Variants in GTF2A1L observed in about 807,000 individuals in gnomAD.
GTF2A1L encodes the protein general transcription factor IIA subunit 1 like, also known as TFIIA-alpha and beta-like factor.
A neutral mutation model predicts 49.7 loss-of-function variants in GTF2A1L; 48 were observed. That is an observed-to-expected ratio of 0.97 (90% CI 0.77 to 1.23). The LOEUF (loss-of-function observed/expected upper bound fraction) is 1.23. Ranked by LOEUF, GTF2A1L falls within the 50% of genes most tolerant of loss-of-function variation. The pLI is 0.00. For synonymous variants in GTF2A1L, 246 were observed against 193.5 expected (o/e 1.27, Z -2.25); for missense variants, 736 against 564.8 (o/e 1.30, Z -3.07).
intron 3 of GTF2A1L, among the ~76,000 whole-genome samples, chr2:48,640,665 C>T (rs568225857): frequency 3.3e-5 from 5 of 152,204 alleles, no homozygotes; most frequent in African/African-American, 1.2e-4. Flanking sequence ...TGGAACAAAC[C>T]TTCACATGTA....
At position 48,617,861 on chromosome 2, in the gene GTF2A1L, C is replaced by A. The variant is rs199837598; in HGVS notation, c.-14C>A. ...CCGCGCAGGCGCAAAGGGCCAGGTG[C>A]TGGAGGTGCTGTCATGGCCTGCCTC... On this transcript the variant is annotated 5_prime_UTR_variant, in exon 1 of 9. The change creates a new upstream start codon in the 5' untranslated region. Coordinates refer to ENST00000403751, the MANE Select transcript of GTF2A1L (RefSeq NM_006872.5). The A allele has an allele frequency of 4.5e-6, 7 of 1,551,682 alleles. No homozygotes were observed. Among genetic ancestry groups the A allele is most frequent in the Non-Finnish European group, 6.1e-6 (7 of 1,147,034 alleles).
chr2:48,643,317 C>G (rs1196886927), intron 4 of GTF2A1L, among the ~76,000 whole-genome samples: 2 of 152,164 alleles, frequency 1.3e-5, no homozygotes, highest in African/African-American at 2.4e-5. Flanking sequence ...CAGCTTTTCA[C>G]TTTTATCTTT....
At chr2:48,631,350 T>C (rs1483324338) in intron 3 of GTF2A1L, among the ~76,000 whole-genome samples, 1 of 152,154 alleles carries the variant, frequency 6.6e-6, no homozygotes, top group Non-Finnish European at 1.5e-5. Flanking sequence ...GATTCAATCT[T>C]GGGAGATTTT....
chr2:48,633,759 A>G (rs62137487), intron 3 of GTF2A1L, among the ~76,000 whole-genome samples: 33,697 of 152,138 alleles, frequency 0.22, 3,843 homozygotes, highest in South Asian at 0.26. Flanking sequence ...CCATTATCGT[A>G]TGGCTGTATA....
rs190911328 is a variant in GTF2A1L, at chr2:48,617,980, C to T, written c.21+85C>T. On this transcript the variant is annotated intron_variant, in intron 1 of 8. Transcript: ENST00000403751. ...GCCGAACCCTGCACCTTTTGTTTCC[C>T]CCTGACACTTTACAGATTGTCATAA... 2,288 of 1,335,506 alleles carry T rather than the reference C, an allele frequency of 1.7e-3. 11 individuals are homozygous for T. Among genetic ancestry groups the T allele is most frequent in the African/African-American group, 0.015 (1,020 of 68,350 alleles). The allele number at this position is 1,335,506 out of a possible 1,614,324, so 82.7% of individuals were successfully genotyped here.
In GTF2A1L at chr2:48,642,465, G is replaced by A; in HGVS notation, c.303+8G>A. 6.4e-7 allele frequency: 1 copy of A among 1,573,294 alleles called. No individual in the cohort carries two copies. The highest frequency in any genetic ancestry group is 8.7e-7 in the Non-Finnish European group (1 of 1,152,468). The stretch of plus-strand genomic sequence containing the variant: ...TTTACCACAGCAGAACTGGTATGTA[G>A]CTTACTTAAAATATATTTTAAAAGA... On this transcript the variant is annotated splice_region_variant and intron_variant, in intron 4 of 8. Coordinates refer to ENST00000403751, the MANE Select transcript of GTF2A1L (RefSeq NM_006872.5).
rs1679085692 is a variant in GTF2A1L at position 48,670,108 on chromosome 2, TGG to T, written c.1239+129_1239+130del. ...TTACTCTTTTGAAATAAGACTTATT[TGG>T]GGCCGGGCACGGTGGCTCACACATG... On this transcript the variant is annotated intron_variant, in intron 7 of 8. Coordinates refer to ENST00000403751, the MANE Select transcript of GTF2A1L (RefSeq NM_006872.5). The T allele has an allele frequency of 1.1e-5, 15 of 1,370,994 alleles. No individual in the cohort carries two copies. In the South Asian group the frequency reaches 2.5e-4, roughly 23 times the overall value. 84.9% of individuals were successfully genotyped at this position (1,370,994 alleles called of 1,614,324 possible).
chr2:48,677,979 GT>G (rs1457585338), intron 8 of GTF2A1L, among the ~76,000 whole-genome samples: 11 of 3,020 alleles, frequency 3.6e-3, no homozygotes, highest in South Asian at 0.038. Context: ...TCTGAGATGG[GT>G]GTGTGTGTGT....
chr2:48,646,270 T>C (rs1677500623), intron 5 of GTF2A1L, among the ~76,000 whole-genome samples, 183 bp from the exon 6 acceptor site: 1 of 151,864 alleles, frequency 6.6e-6, no homozygotes, highest in African/African-American at 2.4e-5. Flanking sequence ...AATTTATATA[T>C]TGATTGTAGA....
chr2:48,626,959 C>G (rs6752198), intron 3 of GTF2A1L, among the ~76,000 whole-genome samples: 139,019 of 143,110 alleles, frequency 0.97, 68,156 homozygotes, highest in East Asian at 1. Flanking sequence ...GTACACAAAT[C>G]CCACTGATTT....
At chr2:48,649,430 T>C (rs915299839) in intron 6 of GTF2A1L, among the ~76,000 whole-genome samples, 6 of 152,184 alleles carry the variant, frequency 3.9e-5, no homozygotes, top group African/African-American at 1.4e-4. Flanking sequence ...CTTCTACCTC[T>C]TACTCTGCTC....
chr2:48,623,941 T>A (rs1676155098), intron 3 of GTF2A1L, among the ~76,000 whole-genome samples: 2 of 152,194 alleles, frequency 1.3e-5, no homozygotes, highest in Non-Finnish European at 2.9e-5. Context: ...GTTGAAAAAC[T>A]ACCCGTCAGG....
chr2:48,651,556 G>A (rs1176932491), intron 6 of GTF2A1L, among the ~76,000 whole-genome samples: 1 of 150,914 alleles, frequency 6.6e-6, no homozygotes. Flanking sequence ...ACATGGTTTT[G>A]CTGCTTTAGT....
chr2:48,651,796 T>A (rs895102205), intron 6 of GTF2A1L, among the ~76,000 whole-genome samples: 1 of 152,206 alleles, frequency 6.6e-6, no homozygotes, highest in Non-Finnish European at 1.5e-5. Flanking sequence ...AGCCCTTGTT[T>A]GATCCTTGGG....
intron 1 of GTF2A1L, among the ~76,000 whole-genome samples, chr2:48,618,460 A>C (rs540546313): frequency 6.6e-6 from 1 of 152,298 alleles, no homozygotes; most frequent in Non-Finnish European, 1.5e-5. Flanking sequence ...AGTGGCACTT[A>C]GGAGACCATC....
At chr2:48,656,982 T>G (rs974021620) in intron 6 of GTF2A1L, among the ~76,000 whole-genome samples, 1 of 152,238 alleles carries the variant, frequency 6.6e-6, no homozygotes, top group Admixed American at 6.5e-5. Flanking sequence ...CTTGTTACCC[T>G]TATGGAAAAT....
At chr2:48,678,286 G>C (rs894070276) in intron 8 of GTF2A1L, among the ~76,000 whole-genome samples, 1 of 151,894 alleles carries the variant, frequency 6.6e-6, no homozygotes, top group Non-Finnish European at 1.5e-5. Context: ...TGGGATGTTT[G>C]TTGTCACCGT....
chr2:48,630,281 C>G (rs1421113683), intron 3 of GTF2A1L, among the ~76,000 whole-genome samples: 1 of 143,946 alleles, frequency 6.9e-6, no homozygotes, highest in African/African-American at 2.5e-5. Flanking sequence ...TTTGTGTCAT[C>G]TATGATTTCT....
intron 3 of GTF2A1L, among the ~76,000 whole-genome samples, chr2:48,626,868 A>G (rs1434701965): frequency 6.9e-6 from 1 of 144,680 alleles, no homozygotes; most frequent in Non-Finnish European, 1.6e-5. Context: ...TTGGTTAAAT[A>G]TATTCTTAAG....
Sources: allele counts gnomAD v4.1 joint callset (sites outside exome capture counted in the v4.1 genomes callset), GRCh38; gene constraint gnomAD v4.1.1; transcripts MANE v1.5; gene names NCBI Gene and HGNC (gene_info 2026-07-23, HGNC 2026-07-21).